The following IGF2BP3 variants were observed in gnomAD, a reference collection of about 807,000 sequenced individuals.
IGF2BP3 encodes insulin like growth factor 2 mRNA binding protein 3.
IGF2BP3 carries 9 observed loss-of-function variants against 73.8 expected under a neutral mutation model. The observed-to-expected ratio is 0.12, with a 90% CI of 0.07 to 0.21. The LOEUF is 0.21. Ranked by LOEUF, IGF2BP3 falls within the 10% of genes least tolerant of loss-of-function variation. IGF2BP3 has a pLI of 1.00. For synonymous variants in IGF2BP3, 258 were observed against 256.7 expected, an observed-to-expected ratio of 1.01 and a Z score of -0.05; for missense variants, 542 against 714.0, an observed-to-expected ratio of 0.76 and a Z score of 2.75.
At chr7:23,453,009 G>A (rs1461358092) in intron 2 of IGF2BP3, among the ~76,000 whole-genome samples, 1 of 152,024 alleles carries the variant, frequency 6.6e-6, no homozygotes, top group African/African-American at 2.4e-5. Flanking sequence ...CTACTCTGGA[G>A]GCTGAGGCAC....
chr7:23,321,679 C>G (rs183566301), intron 10 of IGF2BP3, among the ~76,000 whole-genome samples: 1 of 152,334 alleles, frequency 6.6e-6, no homozygotes, highest in African/African-American at 2.4e-5. Context: ...CCCTGTGTGA[C>G]AGCTTTGAAG....
intron 10 of IGF2BP3, among the ~76,000 whole-genome samples, chr7:23,335,011 T>C (rs1163783463): frequency 6.8e-6 from 1 of 147,472 alleles, no homozygotes; most frequent in East Asian, 2.0e-4. Flanking sequence ...GATTTTGGTC[T>C]GGAACTGAAA....
At chr7:23,466,857 A>T (rs1743593774) in intron 2 of IGF2BP3, among the ~76,000 whole-genome samples, 1 of 152,132 alleles carries the variant, frequency 6.6e-6, no homozygotes, top group African/African-American at 2.4e-5. Flanking sequence ...AAATTTAGAA[A>T]CTCTCTCAAA....
intron 2 of IGF2BP3, among the ~76,000 whole-genome samples, chr7:23,452,060 A>C (rs1788212543): frequency 6.6e-6 from 1 of 150,704 alleles, no homozygotes; most frequent in Admixed American, 6.6e-5. Flanking sequence ...GCTGGAGCAC[A>C]GTGGCGTGAT....
At chr7:23,347,069 T>C (rs907024284) in intron 7 of IGF2BP3, among the ~76,000 whole-genome samples, 1 of 152,222 alleles carries the variant, frequency 6.6e-6, no homozygotes, top group Admixed American at 6.5e-5. Flanking sequence ...CTACTTTCAG[T>C]GCAGCGCTGT....
At chr7:23,316,479 TGA>T in intron 12 of IGF2BP3, among the ~76,000 whole-genome samples, 1 of 152,046 alleles carries the variant, frequency 6.6e-6, no homozygotes, top group African/African-American at 2.4e-5. Flanking sequence ...GTCAGGAGTT[TGA>T]GTGTGTGGCC....
Position 23,348,147 on chromosome 7 carries a change from A to G in IGF2BP3, c.684-413T>C, listed in dbSNP as rs1784877378. 2.6e-5 allele frequency among the ~76,000 whole-genome samples: 4 copies of G among 152,312 alleles called. No individual in the cohort carries two copies. In the South Asian group the frequency reaches 8.3e-4, roughly 32 times the overall value. ...AACTGCTTATTCTGCACAGTATATC[A>G]TTCTTCATTCATTGGATGAGCAGAT... On this transcript the variant is annotated intron_variant, in intron 6 of 14. Transcript: ENST00000258729.
At chr7:23,334,533 G>T (rs1784523305) in intron 10 of IGF2BP3, among the ~76,000 whole-genome samples, 1 of 152,184 alleles carries the variant, frequency 6.6e-6, no homozygotes, top group South Asian at 2.1e-4. Flanking sequence ...GCGTTACCCA[G>T]TCTTGTTACA....
chr7:23,374,118 G>A (rs182340140), intron 3 of IGF2BP3, among the ~76,000 whole-genome samples: 5 of 152,116 alleles, frequency 3.3e-5, no homozygotes, highest in African/African-American at 9.7e-5. Flanking sequence ...TGCACTAACC[G>A]AGTATACGTC....
chr7:23,462,818 T>C (rs1788482519), intron 2 of IGF2BP3, among the ~76,000 whole-genome samples: 1 of 152,244 alleles, frequency 6.6e-6, no homozygotes, highest in Admixed American at 6.5e-5. Context: ...CTGTGTTTAT[T>C]TACCAATACT....
chr7:23,335,073 TAAAAAA>T (rs5882898), intron 10 of IGF2BP3, among the ~76,000 whole-genome samples: 2 of 69,184 alleles, frequency 2.9e-5, no homozygotes, highest in South Asian at 5.6e-4. Context: ...TCTTTAACAT[TAAAAAA>T]AAAAAAAAAA....
At chr7:23,384,392 G>A (rs1464350745) in intron 3 of IGF2BP3, among the ~76,000 whole-genome samples, 1 of 152,120 alleles carries the variant, frequency 6.6e-6, no homozygotes, top group African/African-American at 2.4e-5. Flanking sequence ...GTATGTATTT[G>A]TGAATACACT....
At chr7:23,404,647 G>C (rs1221127552) in intron 3 of IGF2BP3, among the ~76,000 whole-genome samples, 1 of 151,650 alleles carries the variant, frequency 6.6e-6, no homozygotes, top group Non-Finnish European at 1.5e-5. Flanking sequence ...GTAAATTATA[G>C]CCTTTCTCAT....
At chr7:23,397,034 C>A (rs560414819) in intron 3 of IGF2BP3, among the ~76,000 whole-genome samples, 1 of 152,280 alleles carries the variant, frequency 6.6e-6, no homozygotes, top group Admixed American at 6.5e-5. Flanking sequence ...AAGTCCCTAC[C>A]CTGTCTTCCA....
chr7:23,321,499 G>A (rs1219397972), intron 10 of IGF2BP3, among the ~76,000 whole-genome samples: 2 of 152,196 alleles, frequency 1.3e-5, no homozygotes, highest in African/African-American at 4.8e-5. Context: ...CTGGGGGAGG[G>A]GTGCCCGCCA....
chr7:23,428,050 C>G (rs754281806), intron 2 of IGF2BP3, among the ~76,000 whole-genome samples: 1 of 151,700 alleles, frequency 6.6e-6, no homozygotes, highest in Non-Finnish European at 1.5e-5. Context: ...GTGGCACGCA[C>G]CTGTAATCCC....
At chr7:23,401,948 C>G (rs1327735898) in intron 3 of IGF2BP3, among the ~76,000 whole-genome samples, 2 of 152,064 alleles carry the variant, frequency 1.3e-5, no homozygotes, top group Non-Finnish European at 2.9e-5. Context: ...AAAACCCCAT[C>G]TCTACTAAAA....
intron 5 of IGF2BP3, among the ~76,000 whole-genome samples, chr7:23,353,282 G>C (rs1785012610): frequency 6.6e-6 from 1 of 152,112 alleles, no homozygotes; most frequent in Non-Finnish European, 1.5e-5. Flanking sequence ...ATAGAAAAAA[G>C]GGGGTGGAGT....
chr7:23,382,976 G>A (rs181351200), intron 3 of IGF2BP3, among the ~76,000 whole-genome samples: 2 of 151,550 alleles, frequency 1.3e-5, no homozygotes, highest in Non-Finnish European at 2.9e-5. Flanking sequence ...GGGAGGCTGA[G>A]GCAGGAGGAT....
Sources: allele counts gnomAD v4.1 joint callset (sites outside exome capture counted in the v4.1 genomes callset), GRCh38; gene constraint gnomAD v4.1.1; transcripts MANE v1.5; gene names NCBI Gene and HGNC (gene_info 2026-07-23, HGNC 2026-07-21).